The following PAK3 variants were observed in gnomAD, a reference collection of about 807,000 sequenced individuals.
PAK3 encodes the protein p21 (RAC1) activated kinase 3, also known as serine/threonine-protein kinase PAK 3.
In PAK3, 4 loss-of-function variants were observed where a neutral mutation model predicts 41.0. That is an observed-to-expected ratio of 0.10 (90% CI 0.05 to 0.22). PAK3 has a LOEUF of 0.22. PAK3 is among the 10% of genes least tolerant of loss of function. The pLI is 1.00. For synonymous variants in PAK3, 146 were observed against 139.6 expected (o/e 1.05, Z -0.32); for missense variants, 205 against 409.9 (o/e 0.50, Z 4.32).
intron 1 of PAK3, among the ~76,000 whole-genome samples, chrX:111,054,483 G>C (rs1373169894): frequency 8.9e-6 from 1 of 112,254 alleles, no homozygotes. Context: ...TTTGTCATCT[G>C]TTGTATGGCT....
chrX:111,140,515 A>C (rs2149084761), intron 5 of PAK3, among the ~76,000 whole-genome samples: 1 of 112,219 alleles, frequency 8.9e-6, no homozygotes, highest in African/African-American at 3.2e-5. Context: ...TGTTAGCTAT[A>C]GTTCACAAAC....
intron 1 of PAK3, among the ~76,000 whole-genome samples, chrX:110,965,757 A>G (rs993222915): frequency 8.9e-6 from 1 of 112,476 alleles, no homozygotes; most frequent in Admixed American, 9.4e-5. Flanking sequence ...TAACACTGAC[A>G]GAGCACCTAC....
At chrX:111,121,023 T>C in intron 4 of PAK3, among the ~76,000 whole-genome samples, 1 of 112,114 alleles carries the variant, frequency 8.9e-6, no homozygotes, top group East Asian at 2.8e-4. Context: ...AAAGTCAAAA[T>C]GCAAAAGATA....
chrX:111,012,636 G>A (rs2092027299), intron 1 of PAK3, among the ~76,000 whole-genome samples: 1 of 112,310 alleles, frequency 8.9e-6, no homozygotes, highest in African/African-American at 3.2e-5. Flanking sequence ...AGAAGATGAG[G>A]AACATCAATC....
At chrX:111,206,764 T>C (rs943215169) in intron 16 of PAK3, among the ~76,000 whole-genome samples, 3 of 111,847 alleles carry the variant, frequency 2.7e-5, no homozygotes, top group African/African-American at 9.8e-5. Flanking sequence ...GAATACAGCG[T>C]TCATTATAAT....
chrX:111,210,068 G>A (rs1201099116), intron 16 of PAK3, among the ~76,000 whole-genome samples: 2 of 111,680 alleles, frequency 1.8e-5, no homozygotes, highest in African/African-American at 3.3e-5. Context: ...TGAAGAATTC[G>A]AGAACATCAG....
chrX:111,076,177 C>T (rs2092783993), intron 1 of PAK3, among the ~76,000 whole-genome samples: 1 of 111,093 alleles, frequency 9.0e-6, no homozygotes, highest in Admixed American at 9.5e-5. Flanking sequence ...GGGACTATTG[C>T]AAAGGCATGA....
At chrX:110,990,283 G>A (rs2091619304) in intron 1 of PAK3, among the ~76,000 whole-genome samples, 2 of 112,197 alleles carry the variant, frequency 1.8e-5, no homozygotes, top group Non-Finnish European at 3.8e-5. Flanking sequence ...ATGTATAAGA[G>A]CACCTTGGAA....
intron 1 of PAK3, among the ~76,000 whole-genome samples, chrX:110,963,070 G>A (rs776385578): frequency 8.9e-6 from 1 of 112,192 alleles, no homozygotes; most frequent in South Asian, 3.8e-4. Flanking sequence ...CCATGGCCTT[G>A]ATGCAGGCAC....
chrX:111,010,002 C>G (rs1329202687), intron 1 of PAK3, among the ~76,000 whole-genome samples: 1 of 111,557 alleles, frequency 9.0e-6, no homozygotes, highest in Non-Finnish European at 1.9e-5. Flanking sequence ...AAAAAATATT[C>G]ATTTGCAACC....
intron 1 of PAK3, among the ~76,000 whole-genome samples, chrX:110,997,475 A>G (rs984042268): frequency 1.8e-5 from 2 of 111,461 alleles, no homozygotes; most frequent in African/African-American, 6.5e-5. Context: ...AGAAATGGAC[A>G]CAAACTGTAT....
intron 1 of PAK3, among the ~76,000 whole-genome samples, chrX:111,083,476 T>A (rs2092852321): frequency 8.9e-6 from 1 of 112,272 alleles, no homozygotes; most frequent in South Asian, 3.7e-4. Context: ...TTCCATATCC[T>A]CTCTCACTTA....
At chrX:110,946,497 G>T (rs2090623269) in intron 1 of PAK3, among the ~76,000 whole-genome samples, 1 of 112,286 alleles carries the variant, frequency 8.9e-6, no homozygotes, top group Non-Finnish European at 1.9e-5. Context: ...CAAGGCAAAT[G>T]AACTAAATGG....
chrX:111,107,525 C>T (rs1450806716), intron 4 of PAK3, among the ~76,000 whole-genome samples: 1 of 111,853 alleles, frequency 8.9e-6, no homozygotes, highest in African/African-American at 3.3e-5. Context: ...GGATCAGGAG[C>T]CTGGTGCAAG....
In PAK3 at chrX:111,226,206, C is replaced by A. The variant is rs1253168222; in HGVS notation, c.*5759C>A. ...AAAAAAAACTCAAGCAAATGAAGTT[C>A]ATAATAATAGGGGATGTTGATAAAA... is the stretch of plus-strand genomic sequence containing the variant. On this transcript the variant is annotated 3_prime_UTR_variant, in exon 18 of 18. Coordinates refer to ENST00000372007, the MANE Select transcript of PAK3 (RefSeq NM_002578.5). 1 of 111,071 alleles carries A rather than the reference C, an allele frequency of 9.0e-6. No individual in the cohort carries two copies. The highest frequency in any genetic ancestry group is 1.9e-5 in the Non-Finnish European group (1 of 53,006). The allele number at this position is 111,071 out of a possible 1,213,427, so 9.2% of individuals were successfully genotyped here. A position where few individuals can be genotyped will look rare whatever the true frequency, so the allele number is the denominator to read the frequency against.
intron 1 of PAK3, among the ~76,000 whole-genome samples, chrX:110,973,965 G>A (rs1462535225): frequency 8.9e-6 from 1 of 112,052 alleles, no homozygotes; most frequent in Non-Finnish European, 1.9e-5. Context: ...AAGAGACAAA[G>A]AAGGACATTA....
At chrX:111,128,792 C>A (rs143399551) in intron 5 of PAK3, among the ~76,000 whole-genome samples, 2,348 of 111,910 alleles carry the variant, frequency 0.021, 56 homozygotes, top group African/African-American at 0.068. Flanking sequence ...AAAGAAAGAA[C>A]TTTTTCACAT....
chrX:111,010,328 C>T (rs982995517), intron 1 of PAK3, among the ~76,000 whole-genome samples: 2 of 111,653 alleles, frequency 1.8e-5, no homozygotes, highest in African/African-American at 6.5e-5. Flanking sequence ...TCTGTGATAA[C>T]CCCGGGAAGC....
intron 1 of PAK3, among the ~76,000 whole-genome samples, chrX:111,018,918 G>T (rs964962510): frequency 9.0e-6 from 1 of 111,319 alleles, no homozygotes; most frequent in Non-Finnish European, 1.9e-5. Flanking sequence ...GTAGAAGAGA[G>T]CCCAGAAATA....
Sources: allele counts gnomAD v4.1 joint callset (sites outside exome capture counted in the v4.1 genomes callset), GRCh38; gene constraint gnomAD v4.1.1; transcripts MANE v1.5; gene names NCBI Gene and HGNC (gene_info 2026-07-23, HGNC 2026-07-21).